CDH4: variants seen among roughly 807,000 people sequenced by gnomAD.
The protein encoded by CDH4 is cadherin-4.
CDH4 carries 33 observed loss-of-function variants against 86.0 expected under a neutral mutation model. That is an observed-to-expected ratio of 0.38 (90% confidence interval 0.29 to 0.51). The LOEUF is 0.51. Ranked by LOEUF, CDH4 falls within the 20% of genes least tolerant of loss-of-function variation. The pLI is 0.86. For synonymous variants in CDH4, 555 were observed against 549.4 expected, an observed-to-expected ratio of 1.01 and a Z score of -0.14; for missense variants, 1,114 against 1,307.4, an observed-to-expected ratio of 0.85 and a Z score of 2.28.
At chr20:61,575,935 G>A (rs567488940) in intron 2 of CDH4, among the ~76,000 whole-genome samples, 1 of 152,256 alleles carries the variant, frequency 6.6e-6, no homozygotes, top group African/African-American at 2.4e-5. Flanking sequence ...GGATGGGGCT[G>A]GAAAGACAGG....
chr20:61,460,152 G>C (rs889948357), intron 2 of CDH4, among the ~76,000 whole-genome samples: 6 of 152,162 alleles, frequency 3.9e-5, no homozygotes, highest in African/African-American at 1.4e-4. Flanking sequence ...AAGGAGAAAG[G>C]CTGTTAACAG....
At chr20:61,874,065 G>C (rs889777880) in intron 7 of CDH4, among the ~76,000 whole-genome samples, 165 bp downstream of exon 7, 2 of 152,204 alleles carry the variant, frequency 1.3e-5, no homozygotes, top group Admixed American at 6.5e-5. Context: ...GGAGGCTCTG[G>C]AGCACTCAGC....
At chr20:61,274,219 C>T (rs1174316076) in intron 2 of CDH4, among the ~76,000 whole-genome samples, 6 of 122,154 alleles carry the variant, frequency 4.9e-5, no homozygotes, top group South Asian at 2.8e-4. Context: ...TGGGGGAGCA[C>T]CATGCACAGT....
rs557662346 is a variant in CDH4 at position 61,560,094 on chromosome 20, C to T, written c.170-183469C>T. ...GACCCTGCCACTCGAACTTCGGAGTCGCTTGTTTGCTCTGCTTATCTGGTC... is the reference window on the plus strand; with the variant it reads ...GACCCTGCCACTCGAACTTCGGAGTTGCTTGTTTGCTCTGCTTATCTGGTC... On this transcript the variant is annotated intron_variant, in intron 2 of 15. Coordinates refer to ENST00000614565, the MANE Select transcript of CDH4 (RefSeq NM_001794.5). 5.3e-5 allele frequency among the ~76,000 whole-genome samples: 8 copies of T among 152,302 alleles called. No homozygotes were observed. In the East Asian group the frequency reaches 1.5e-3, roughly 29 times the overall value.
In CDH4 at chr20:61,417,710, C is replaced by A. The variant is rs919193328; in HGVS notation, c.169+162773C>A. On this transcript the variant is annotated intron_variant, in intron 2 of 15. Transcript: ENST00000614565. The surrounding 1 kb of genome is among the most constrained non-coding windows in gnomAD (Gnocchi z 4.0). Reference sequence around the variant, plus strand: ...CTCCTGACTTGTATTACTCATTTTACGGCTGGAGACAGGTGCACATGGCGG... The same window carrying A: ...CTCCTGACTTGTATTACTCATTTTAAGGCTGGAGACAGGTGCACATGGCGG... Among the ~76,000 whole-genome samples, 11 of 152,292 alleles carry A rather than the reference C, an allele frequency of 7.2e-5. No homozygotes were observed. The highest frequency in any genetic ancestry group is 5.2e-4 in the Admixed American group (8 of 15,296).
Position 61,860,055 on chromosome 20 carries a change from G to A in CDH4, c.877+7157G>A, listed in dbSNP as rs1012862639. ...CAAGGACAGTGCCTGCCTCATGGGC[G>A]GGGAAGGTCAGGGGCAGGCGTCTAT... On this transcript the variant is annotated intron_variant, in intron 6 of 15. Transcript: ENST00000614565. Among the ~76,000 whole-genome samples the A allele has an allele frequency of 3.3e-5, 5 of 152,384 alleles. No individual in the cohort carries two copies. The South Asian group carries it at 6.2e-4, about 19-fold the overall frequency.
chr20:61,700,376 A>G (rs556985967), intron 2 of CDH4, among the ~76,000 whole-genome samples: 1 of 152,324 alleles, frequency 6.6e-6, no homozygotes, highest in South Asian at 2.1e-4. Flanking sequence ...TCTGGGATAT[A>G]TTCTTGGTCT....
intron 2 of CDH4, among the ~76,000 whole-genome samples, chr20:61,365,582 G>A (rs1200262374): frequency 6.6e-6 from 1 of 152,150 alleles, no homozygotes; most frequent in African/African-American, 2.4e-5. Flanking sequence ...GGCTCAGTGT[G>A]GGGGTCGAGA....
chr20:61,751,104 G>A (rs1310867350), intron 3 of CDH4, among the ~76,000 whole-genome samples: 1 of 152,196 alleles, frequency 6.6e-6, no homozygotes, highest in Non-Finnish European at 1.5e-5. Context: ...TTCGGGAAGA[G>A]TAAAGAGCTG....
intron 2 of CDH4, among the ~76,000 whole-genome samples, chr20:61,590,093 A>T (rs1320506197): frequency 6.7e-6 from 1 of 148,668 alleles, no homozygotes; most frequent in East Asian, 2.1e-4. Context: ...TTGTTATTTC[A>T]GGAGCAACAG....
intron 2 of CDH4, among the ~76,000 whole-genome samples, chr20:61,271,939 G>T (rs924876395): frequency 2.6e-5 from 4 of 152,218 alleles, no homozygotes; most frequent in African/African-American, 9.6e-5. Context: ...TCGCTGATTG[G>T]GGGCAGGGTG....
chr20:61,310,088 C>A (rs1185681411), intron 2 of CDH4, among the ~76,000 whole-genome samples: 1 of 152,170 alleles, frequency 6.6e-6, no homozygotes, highest in Non-Finnish European at 1.5e-5. Context: ...GCTTAGGTCA[C>A]CTGCCCCCCT....
intron 2 of CDH4, among the ~76,000 whole-genome samples, chr20:61,467,632 C>T (rs2085480127): frequency 6.6e-6 from 1 of 152,216 alleles, no homozygotes; most frequent in Admixed American, 6.5e-5. Flanking sequence ...AACATAATTA[C>T]ACATGCTGCT....
chr20:61,603,951 A>G (rs1225808701), intron 2 of CDH4, among the ~76,000 whole-genome samples: 2 of 152,164 alleles, frequency 1.3e-5, no homozygotes, highest in South Asian at 2.1e-4. Context: ...ACATAGGCAC[A>G]CACACATGTA....
chr20:61,745,300 C>G (rs1170806120), intron 3 of CDH4, among the ~76,000 whole-genome samples: 1 of 152,190 alleles, frequency 6.6e-6, no homozygotes, highest in Admixed American at 6.5e-5. Flanking sequence ...CCAAGGAACC[C>G]TTCTCCATGG....
At chr20:61,896,408 C>T (rs971151343) in intron 8 of CDH4, among the ~76,000 whole-genome samples, 10 of 152,308 alleles carry the variant, frequency 6.6e-5, no homozygotes, top group African/African-American at 2.2e-4. Flanking sequence ...AGGCCTGGGG[C>T]GCAGCTGCAC....
rs2087860373 is a variant in CDH4, at chr20:61,708,828, T to C, written c.170-34735T>C. Among the ~76,000 whole-genome samples, 1 of 152,216 alleles carries C rather than the reference T, an allele frequency of 6.6e-6. No homozygotes were observed. The highest frequency in any genetic ancestry group is 1.5e-5 in the Non-Finnish European group (1 of 68,040). On this transcript the variant is annotated intron_variant, in intron 2 of 15. Transcript: ENST00000614565. This position sits in a 1 kb window ranked among gnomAD's most constrained non-coding sequence, Gnocchi z 4.5. ...TGTTAGAGATGAGCACAGAAATCAA[T>C]AGTGGGCATTGGCAGACGTGCAGAA...
At chr20:61,730,602 G>A (rs562022817) in intron 2 of CDH4, among the ~76,000 whole-genome samples, 4 of 152,320 alleles carry the variant, frequency 2.6e-5, no homozygotes, top group East Asian at 1.9e-4. Flanking sequence ...CAGAGACCCC[G>A]GTGAGGAAGG....
chr20:61,716,301 G>A (rs867061586), intron 2 of CDH4, among the ~76,000 whole-genome samples: 2 of 151,474 alleles, frequency 1.3e-5, no homozygotes, highest in Non-Finnish European at 2.9e-5. Flanking sequence ...GTAAAGGGGT[G>A]GACACTCCTC....
Sources: gnomAD v4.1 joint callset for allele counts (sites outside exome capture counted in the v4.1 genomes callset) on GRCh38, gnomAD v4.1.1 for gene constraint, Gnocchi (gnomAD v3.1) non-coding constraint, MANE v1.5 for transcripts, NCBI Gene and HGNC (gene_info 2026-07-23, HGNC 2026-07-21) for gene names.